The following NR3C2 variants were observed in gnomAD, a reference collection of about 807,000 sequenced individuals.
The protein encoded by NR3C2 is mineralocorticoid receptor.
A neutral mutation model predicts 86.4 loss-of-function variants in NR3C2; 15 were observed. The observed-to-expected ratio is 0.17, with a 90% CI of 0.12 to 0.27. The LOEUF (loss-of-function observed/expected upper bound fraction) is 0.27, where lower values mean the gene tolerates loss of function less well. Ranked by LOEUF, NR3C2 falls within the 10% of genes least tolerant of loss-of-function variation. The probability of loss-of-function intolerance (pLI) is 1.00; values close to 1 mark genes in which losing one functional copy is unlikely to be tolerated. For synonymous variants in NR3C2, 458 were observed against 450.5 expected (o/e 1.02, Z -0.21); for missense variants, 960 against 1,195.6 (o/e 0.80, Z 2.91).
intron 2 of NR3C2, among the ~76,000 whole-genome samples, chr4:148,434,746 C>G (rs903344646): frequency 2.6e-5 from 4 of 151,948 alleles, no homozygotes; most frequent in Non-Finnish European, 5.9e-5. Context: ...TTTAGTAAAC[C>G]GGCAAACAGC....
intron 2 of NR3C2, among the ~76,000 whole-genome samples, chr4:148,276,241 G>T (rs149311710): frequency 6.6e-4 from 100 of 152,220 alleles, no homozygotes; most frequent in African/African-American, 2.2e-3. Flanking sequence ...GTGCTATTTT[G>T]TTGATTTCCT....
Position 148,367,534 on chromosome 4 carries a change from T to C in NR3C2, c.1757+67570A>G, listed in dbSNP as rs563295983. On this transcript the variant is annotated intron_variant, in intron 2 of 8. Transcript: ENST00000358102. ...AAAGAATTCTAGCTAAGCAATCATG[T>C]ATAAACATAGATATTAGCCTGAAAT... is the stretch of plus-strand genomic sequence containing the variant. Among the ~76,000 whole-genome samples, 3 of 152,252 alleles carry C rather than the reference T, an allele frequency of 2.0e-5. No homozygotes were observed. In the South Asian group the frequency reaches 6.2e-4, roughly 32 times the overall value.
At chr4:148,343,598 T>C (rs1744856106) in intron 2 of NR3C2, among the ~76,000 whole-genome samples, 2 of 152,078 alleles carry the variant, frequency 1.3e-5, no homozygotes, top group South Asian at 2.1e-4. Flanking sequence ...GGATTTCTCA[T>C]TGTGATTTGC....
At chr4:148,320,843 A>G (rs1300895923) in intron 2 of NR3C2, among the ~76,000 whole-genome samples, 3 of 150,406 alleles carry the variant, frequency 2.0e-5, no homozygotes, top group East Asian at 2.0e-4. Context: ...TGGATTCATT[A>G]ATTTTTTGAA....
intron 3 of NR3C2, among the ~76,000 whole-genome samples, chr4:148,244,910 T>C (rs1739244262): frequency 1.3e-5 from 2 of 152,164 alleles, no homozygotes; most frequent in Admixed American, 1.3e-4. Flanking sequence ...ATGTCATCCA[T>C]CACCCTATAT....
rs761505232 is a variant in NR3C2 at position 148,154,783 on chromosome 4, G to A, written c.2133C>T (p.Ile711=). 5.1e-6 allele frequency: 7 copies of A among 1,364,520 alleles called. No homozygotes were observed. The highest frequency in any genetic ancestry group is 4.4e-5 in the East Asian group (1 of 22,960). 84.5% of individuals were successfully genotyped at this position (1,364,520 alleles called of 1,614,324 possible). ...TGACCGAGGGTTCTTTTGCAGGAGCGATGTACGTTGTCCCTTCCTCTGGGC... is the reference window on the plus strand; with the variant it reads ...TGACCGAGGGTTCTTTTGCAGGAGCAATGTACGTTGTCCCTTCCTCTGGGC... ...PQSPEEGTTY[I]APAKEPSVNT... is the part of the protein sequence containing the mutation. Residue 711 remains isoleucine, a synonymous_variant, in exon 5 of 9, where the codon ATC becomes ATT. Transcript: ENST00000358102.
intron 2 of NR3C2, among the ~76,000 whole-genome samples, chr4:148,287,856 T>C (rs17484454): frequency 0.26 from 39,836 of 152,026 alleles, 5,339 homozygotes; most frequent in Middle Eastern, 0.44. Flanking sequence ...GTTCTTAACG[T>C]CAGACAAAAT....
chr4:148,356,408 T>G (rs1265639908), intron 2 of NR3C2, among the ~76,000 whole-genome samples: 2 of 152,320 alleles, frequency 1.3e-5, no homozygotes, highest in South Asian at 4.1e-4. Flanking sequence ...AACTTCTCAT[T>G]TGAAGAAGAC....
At chr4:148,229,314 G>A (rs139234380) in intron 3 of NR3C2, among the ~76,000 whole-genome samples, 357 of 152,280 alleles carry the variant, frequency 2.3e-3, no homozygotes, top group Admixed American at 4.7e-3. Flanking sequence ...GTGGGAGCCT[G>A]TTGGCAGAAC....
chr4:148,091,874 A>G (rs1731077717), intron 8 of NR3C2, among the ~76,000 whole-genome samples: 1 of 152,182 alleles, frequency 6.6e-6, no homozygotes, highest in African/African-American at 2.4e-5. Flanking sequence ...CAGGCTGTGC[A>G]TCTCTAAATA....
intron 2 of NR3C2, among the ~76,000 whole-genome samples, chr4:148,390,184 TAAA>T (rs11320471): frequency 1.5e-5 from 2 of 133,888 alleles, no homozygotes; most frequent in Non-Finnish European, 3.2e-5. Context: ...ATACATTCCT[TAAA>T]AAAAAAAAAA....
chr4:148,275,685 C>T (rs1740925167), intron 2 of NR3C2, among the ~76,000 whole-genome samples: 3 of 152,284 alleles, frequency 2.0e-5, no homozygotes, highest in Middle Eastern at 3.4e-3. Context: ...CCGCCTTGGC[C>T]TCTCAAGGTG....
intron 2 of NR3C2, among the ~76,000 whole-genome samples, chr4:148,404,322 T>C (rs1748307359): frequency 6.6e-6 from 1 of 152,154 alleles, no homozygotes; most frequent in Non-Finnish European, 1.5e-5. Context: ...GAAGTGTTCA[T>C]CTGAATAAAC....
intron 2 of NR3C2, among the ~76,000 whole-genome samples, chr4:148,316,787 TTTG>T (rs1233471626): frequency 3.9e-5 from 6 of 152,118 alleles, no homozygotes; most frequent in Non-Finnish European, 7.4e-5. Flanking sequence ...TTTTTTCTTT[TTTG>T]TTGTTGTTGT....
At chr4:148,123,145 T>G (rs1054026440) in intron 6 of NR3C2, among the ~76,000 whole-genome samples, 1 of 152,138 alleles carries the variant, frequency 6.6e-6, no homozygotes, top group Non-Finnish European at 1.5e-5. Context: ...ATGTATGTCT[T>G]ATGCGGTTGA....
chr4:148,295,769 C>T (rs1341745137), intron 2 of NR3C2, among the ~76,000 whole-genome samples: 1 of 151,822 alleles, frequency 6.6e-6, no homozygotes, highest in Non-Finnish European at 1.5e-5. Context: ...TTCTTCTTCA[C>T]ATCACCACAT....
intron 3 of NR3C2, among the ~76,000 whole-genome samples, chr4:148,253,372 A>G (rs187425960): frequency 6.6e-6 from 1 of 152,354 alleles, no homozygotes; most frequent in African/African-American, 2.4e-5. Context: ...TCTGAAGTTC[A>G]GCAAAAATGG....
chr4:148,183,588 ACCTCCATG>A (rs1466374270), intron 4 of NR3C2, among the ~76,000 whole-genome samples: 5 of 152,034 alleles, frequency 3.3e-5, no homozygotes, highest in African/African-American at 1.2e-4. Flanking sequence ...ATGATTTTTA[ACCTCCATG>A]CCTCCATTAA....
At chr4:148,255,072 GC>G (rs11349017) in intron 3 of NR3C2, among the ~76,000 whole-genome samples, 151,562 of 151,678 alleles carry the variant, frequency 1, 75,723 homozygotes, top group Middle Eastern at 1. Context: ...AATGCTCACT[GC>G]CCCCCCCCAA....
Sources: allele counts gnomAD v4.1 joint callset (sites outside exome capture counted in the v4.1 genomes callset), GRCh38; gene constraint gnomAD v4.1.1; transcripts MANE v1.5; gene names NCBI Gene and HGNC (gene_info 2026-07-23, HGNC 2026-07-21).